Variants in NSD1 observed in about 807,000 individuals in gnomAD.
NSD1 encodes histone-lysine N-methyltransferase, H3 lysine-36 specific.
In NSD1, 26 loss-of-function variants were observed where a neutral mutation model predicts 242.7. That is an observed-to-expected ratio of 0.11 (90% CI 0.08 to 0.15). The LOEUF (loss-of-function observed/expected upper bound fraction) is 0.15. Among genes scored for constraint, NSD1 ranks in the 10% least tolerant of loss-of-function variants. The pLI, the probability that NSD1 is intolerant of heterozygous loss-of-function variation, is 1.00. For synonymous variants in NSD1, 1,106 were observed against 1,178.1 expected, an observed-to-expected ratio of 0.94 and a Z score of 1.25; for missense variants, 2,495 against 3,272.8, an observed-to-expected ratio of 0.76 and a Z score of 5.80.
intron 2 of NSD1, among the ~76,000 whole-genome samples, chr5:177,186,876 C>A (rs13157667): frequency 6.6e-6 from 1 of 151,740 alleles, no homozygotes; most frequent in Non-Finnish European, 1.5e-5. Context: ...CTGAAATCAA[C>A]GCGCCACTGC....
intron 2 of NSD1, among the ~76,000 whole-genome samples, chr5:177,150,372 C>A (rs1757604979): frequency 6.6e-6 from 1 of 152,114 alleles, no homozygotes; most frequent in African/African-American, 2.4e-5. Flanking sequence ...TTCAGGGAAT[C>A]CACCGCCTTG....
intron 5 of NSD1, among the ~76,000 whole-genome samples, chr5:177,225,959 A>G (rs1764597493): frequency 6.6e-6 from 1 of 152,190 alleles, no homozygotes; most frequent in South Asian, 2.1e-4. Context: ...CAGTATATAT[A>G]CGTTGTTTGT....
intron 2 of NSD1, among the ~76,000 whole-genome samples, chr5:177,149,754 C>G (rs1345666953): frequency 6.6e-6 from 1 of 152,022 alleles, no homozygotes; most frequent in East Asian, 1.9e-4. Flanking sequence ...TAATGCCACC[C>G]CTGATGTGAC....
intron 2 of NSD1, among the ~76,000 whole-genome samples, chr5:177,177,033 T>C (rs1021673982): frequency 5.9e-5 from 9 of 152,212 alleles, no homozygotes; most frequent in Non-Finnish European, 1.3e-4. Context: ...ACAAATTACT[T>C]TCTTACTCAT....
chr5:177,244,051 C>T, intron 8 of NSD1, 144 bp from the exon 9 acceptor site: 2 of 683,508 alleles, frequency 2.9e-6, no homozygotes, highest in Non-Finnish European at 5.2e-6. Flanking sequence ...CAACCCTTTA[C>T]TGTGGTCAGG....
intron 5 of NSD1, among the ~76,000 whole-genome samples, chr5:177,231,137 G>C (rs572344521): frequency 5.9e-5 from 9 of 152,344 alleles, no homozygotes; most frequent in Admixed American, 1.3e-4. Context: ...CCAGGCTGGA[G>C]TGCAGTTGCA....
chr5:177,161,273 T>C, intron 2 of NSD1, among the ~76,000 whole-genome samples: 1 of 151,846 alleles, frequency 6.6e-6, no homozygotes, highest in East Asian at 1.9e-4. Flanking sequence ...TCCCAGCTAC[T>C]TGGGTGGTTG....
In NSD1 at chr5:177,211,691, A is replaced by G. The variant is rs200431038; in HGVS notation, c.3292A>G (p.Thr1098Ala). ...EDPLQIMGHL[T>A]SEDGDHFSDV... ...TCCCCTTCAGATAATGGGCCACTTA[A>G]CAAGTGAAGATGGTGACCATTTTTC... The change falls in exon 5 of 23, where the codon ACA becomes GCA. Residue 1098 changes from threonine (T) to alanine (A), a missense_variant. By Grantham distance (58) the Thr-to-Ala change is moderately conservative (BLOSUM62 0). Coordinates refer to ENST00000439151, the MANE Select transcript of NSD1 (RefSeq NM_022455.5). 42 of 1,614,118 alleles carry G rather than the reference A, an allele frequency of 2.6e-5. No homozygotes were observed. The East Asian group carries it at 8.9e-4, about 34-fold the overall frequency.
intron 2 of NSD1, among the ~76,000 whole-genome samples, chr5:177,168,484 G>C (rs1361850521): frequency 6.8e-6 from 1 of 146,050 alleles, no homozygotes; most frequent in Non-Finnish European, 1.5e-5. Flanking sequence ...TCCGGAGACA[G>C]AGTCTCACTT....
intron 11 of NSD1, 73 bp downstream of exon 11, chr5:177,248,397 A>C: frequency 2.0e-6 from 3 of 1,512,486 alleles, no homozygotes; most frequent in Non-Finnish European, 2.7e-6. Flanking sequence ...CCATCTCTTT[A>C]TGATGGTTTC....
chr5:177,201,998 C>T (rs1762544992), intron 3 of NSD1, among the ~76,000 whole-genome samples: 2 of 151,910 alleles, frequency 1.3e-5, no homozygotes, highest in Admixed American at 1.3e-4. Context: ...GAAATCTCGT[C>T]TTTACTAAAA....
intron 13 of NSD1, among the ~76,000 whole-genome samples, chr5:177,257,973 C>CTTTTTTTTTTTTTTTTTT (rs35034666): frequency 1.9e-5 from 1 of 52,550 alleles, no homozygotes; most frequent in African/African-American, 8.0e-5. Flanking sequence ...CCCCCTGGGC[C>CTTTTTTTTTTTTTTTTTT]TTTTTTTTTT....
At chr5:177,149,899 C>A (rs1757561745) in intron 2 of NSD1, among the ~76,000 whole-genome samples, 1 of 152,002 alleles carries the variant, frequency 6.6e-6, no homozygotes, top group Admixed American at 6.6e-5. Flanking sequence ...CTAGATGATC[C>A]ACATTCTTTT....
At chr5:177,279,606 GA>G (rs1418795655) in intron 17 of NSD1, among the ~76,000 whole-genome samples, 1 of 121,756 alleles carries the variant, frequency 8.2e-6, no homozygotes, top group African/African-American at 3.3e-5. Flanking sequence ...TATCAGCTTT[GA>G]AAATTTTTTT....
intron 3 of NSD1, among the ~76,000 whole-genome samples, chr5:177,202,668 T>C (rs894521642): frequency 6.6e-6 from 1 of 152,174 alleles, no homozygotes. Flanking sequence ...TGTGAGCCCC[T>C]ACACCTGGCC....
chr5:177,192,810 C>T (rs973779816), intron 3 of NSD1, among the ~76,000 whole-genome samples: 3 of 152,158 alleles, frequency 2.0e-5, no homozygotes, highest in African/African-American at 7.2e-5. Flanking sequence ...GGATTACAGG[C>T]GTGAGCCACT....
intron 2 of NSD1, among the ~76,000 whole-genome samples, chr5:177,187,512 G>A (rs1436490803): frequency 1.3e-5 from 2 of 152,136 alleles, no homozygotes. Context: ...TATTAGTTTT[G>A]GGGGGCTGTT....
At chr5:177,159,159 C>G (rs1184365108) in intron 2 of NSD1, among the ~76,000 whole-genome samples, 1 of 151,124 alleles carries the variant, frequency 6.6e-6, no homozygotes, top group Admixed American at 6.6e-5. Context: ...TCTTGTACCT[C>G]AGCCTCCCGA....
At chr5:177,288,136 C>T (rs1026606676) in intron 20 of NSD1, among the ~76,000 whole-genome samples, 1 of 152,134 alleles carries the variant, frequency 6.6e-6, no homozygotes, top group Non-Finnish European at 1.5e-5. Flanking sequence ...ATGTTTATTT[C>T]CTCTCACAGT....
Sources: allele counts gnomAD v4.1 joint callset (sites outside exome capture counted in the v4.1 genomes callset), GRCh38; gene constraint gnomAD v4.1.1; transcripts MANE v1.5; gene names NCBI Gene and HGNC (gene_info 2026-07-23, HGNC 2026-07-21).